Variants in TRPM2 observed in about 807,000 individuals in gnomAD.
TRPM2 encodes the protein estrogen-responsive element-associated gene 1 protein.
In TRPM2, 161 loss-of-function variants were observed where a neutral mutation model predicts 174.0. The ratio of observed to expected loss-of-function variants is 0.93; its 90% CI spans 0.81 to 1.05. The LOEUF (loss-of-function observed/expected upper bound fraction) is 1.05. Among genes scored for constraint, TRPM2 ranks in the 50% least tolerant of loss-of-function variants. TRPM2 has a pLI of 0.00. For missense variants in TRPM2, 2,057 were observed against 2,038.0 expected (o/e 1.01, Z -0.18); for synonymous variants, 954 against 861.3 (o/e 1.11, Z -1.88).
intron 2 of TRPM2, among the ~76,000 whole-genome samples, chr21:44,357,168 A>G (rs892599547): frequency 1.3e-5 from 2 of 152,136 alleles, no homozygotes; most frequent in African/African-American, 4.8e-5. Flanking sequence ...CCTATTCAAG[A>G]TGGGACTCAC....
intron 12 of TRPM2, among the ~76,000 whole-genome samples, chr21:44,397,542 G>T (rs1283760354): frequency 4.6e-5 from 7 of 152,112 alleles, no homozygotes; most frequent in Non-Finnish European, 7.3e-5. Flanking sequence ...CACAGGCCAC[G>T]CAGGAGCCTG....
intron 2 of TRPM2, among the ~76,000 whole-genome samples, chr21:44,362,303 G>A (rs1465563572): frequency 6.9e-6 from 1 of 145,842 alleles, no homozygotes; most frequent in Non-Finnish European, 1.5e-5. Flanking sequence ...AGGAGATGGA[G>A]ACCATCCTGG....
rs899063512 is a variant in TRPM2 at position 44,367,583 on chromosome 21, G to A, written c.604+649G>A. Among the ~76,000 whole-genome samples the A allele has an allele frequency of 2.0e-5, 3 of 152,210 alleles. No homozygotes were observed. Among genetic ancestry groups the A allele is most frequent in the Non-Finnish European group, 4.4e-5 (3 of 68,032 alleles). ...CCCCGCCCCACCCTAATTCCATGGG[G>A]AGGGGGCCCCAAGTCCTCAAGGCTC... On this transcript the variant is annotated intron_variant, in intron 4 of 31. Transcript: ENST00000397928. The surrounding 1 kb of genome is among the most constrained non-coding windows in gnomAD (Gnocchi z 4.6).
At chr21:44,398,056 A>G (rs1301899693) in intron 13 of TRPM2, among the ~76,000 whole-genome samples, 180 bp downstream of exon 13, 2 of 152,138 alleles carry the variant, frequency 1.3e-5, no homozygotes, top group Admixed American at 6.5e-5. Flanking sequence ...GTAACCACCC[A>G]GTGGGTTCGT....
At chr21:44,435,778 C>G (rs1313223622) in intron 28 of TRPM2, among the ~76,000 whole-genome samples, 1 of 139,078 alleles carries the variant, frequency 7.2e-6, no homozygotes, top group Non-Finnish European at 1.5e-5. Flanking sequence ...CATGGGGACA[C>G]AGCCCCACAC....
chr21:44,439,161 G>A lies in TRPM2; in HGVS notation c.4262G>A (p.Gly1421Asp). The change falls in exon 30 of 32, where the codon GGC becomes GAC. Residue 1421 changes from glycine (G) to aspartate (D), a missense_variant. Coordinates refer to ENST00000397928, the MANE Select transcript of TRPM2 (RefSeq NM_003307.4). The surrounding 1 kb of genome is among the most constrained non-coding windows in gnomAD (Gnocchi z 5.1). ...TCTTTTGAAAACTTGCTGAAGTGCGGCATGGAGGTATTCCTGGCCTGTTTG... is the reference window on the plus strand; with the variant it reads ...TCTTTTGAAAACTTGCTGAAGTGCGACATGGAGGTATTCCTGGCCTGTTTG... ...WPSFENLLKC[G>D]MEVYKGYMDD... 6.2e-7 allele frequency: 1 copy of A among 1,613,336 alleles called. No homozygotes were observed. Among genetic ancestry groups the A allele is most frequent in the African/African-American group, 1.3e-5 (1 of 75,026 alleles).
chr21:44,436,935 A>G, intron 28 of TRPM2, 127 bp from the exon 29 acceptor site: 1 of 728,730 alleles, frequency 1.4e-6, no homozygotes, highest in Non-Finnish European at 2.2e-6. Flanking sequence ...AACTTGAAAA[A>G]GAACACGGTT....
Position 44,366,085 on chromosome 21 carries a change from C to T in TRPM2, c.424-669C>T, listed in dbSNP as rs1033956486. Reference sequence around the variant, plus strand: ...GTCTCTTCAGACACAGCCCGCCTAGCGGAACAGGGAAAGTCCGCTGTGTAC... The same window carrying T: ...GTCTCTTCAGACACAGCCCGCCTAGTGGAACAGGGAAAGTCCGCTGTGTAC... On this transcript the variant is annotated intron_variant, in intron 3 of 31. Coordinates refer to ENST00000397928, the MANE Select transcript of TRPM2 (RefSeq NM_003307.4). The surrounding 1 kb of genome is among the most constrained non-coding windows in gnomAD (Gnocchi z 6.0). Among the ~76,000 whole-genome samples, 7 of 152,292 alleles carry T rather than the reference C, an allele frequency of 4.6e-5. No homozygotes were observed. In the East Asian group the frequency reaches 9.7e-4, roughly 21 times the overall value.
chr21:44,423,583 G>A (rs969543411), intron 22 of TRPM2, 62 bp from the exon 23 acceptor site: 4 of 1,423,724 alleles, frequency 2.8e-6, no homozygotes, highest in African/African-American at 1.4e-5. Flanking sequence ...CTGCAGAGCG[G>A]TGTGGCGTTC....
chr21:44,413,943 G>C lies in TRPM2; in HGVS notation c.3015G>C (p.Lys1005Asn). Residue 1005 changes from lysine (K) to asparagine (N), a missense_variant, in exon 20 of 32, where the codon AAG (lysine) becomes AAC (asparagine). Transcript: ENST00000397928. ...GCCCCAATGGCACCGACCCCTACAA[G>C]CCTAAGTGCCCCGAGAGCGACGCGA... ...HCSPNGTDPY[K>N]PKCPESDATQ... 1 of 1,613,992 alleles carries C rather than the reference G, an allele frequency of 6.2e-7. No individual in the cohort carries two copies. The highest frequency in any genetic ancestry group is 8.5e-7 in the Non-Finnish European group (1 of 1,180,010).
chr21:44,350,629 G>T (rs1266925628), upstream of TRPM2, among the ~76,000 whole-genome samples: 1 of 135,092 alleles, frequency 7.4e-6, no homozygotes, highest in Non-Finnish European at 1.6e-5. Flanking sequence ...GCGGTGGGGT[G>T]CAGGGGCGCG....
intron 5 of TRPM2, among the ~76,000 whole-genome samples, chr21:44,372,821 C>G (rs982938665): frequency 6.6e-6 from 1 of 152,170 alleles, no homozygotes; most frequent in Admixed American, 6.5e-5. Flanking sequence ...GTGGCTTGGG[C>G]ACCCCCTACC....
rs773174933 is a variant in TRPM2 at position 44,413,939 on chromosome 21, A to G, written c.3011A>G (p.Tyr1004Cys). The change falls in exon 20 of 32, where the codon TAC becomes TGC. Residue 1004 changes from tyrosine to cysteine, a missense_variant. Physicochemically the swap from Tyr to Cys is radical, Grantham distance 194 (BLOSUM62 -2). Transcript: ENST00000397928. ...TGCAGCCCCAATGGCACCGACCCCT[A>G]CAAGCCTAAGTGCCCCGAGAGCGAC... ...EHCSPNGTDP[Y>C]KPKCPESDAT... The G allele has an allele frequency of 1.9e-6, 3 of 1,613,846 alleles. No homozygotes were observed. Among genetic ancestry groups the G allele is most frequent in the Non-Finnish European group, 2.5e-6 (3 of 1,179,974 alleles).
At position 44,366,077 on chromosome 21, in the gene TRPM2, C is replaced by A. The variant is rs2048351950; in HGVS notation, c.424-677C>A. 6.6e-6 allele frequency among the ~76,000 whole-genome samples: 1 copy of A among 152,186 alleles called. No homozygotes were observed. The highest frequency in any genetic ancestry group is 2.4e-5 in the African/African-American group (1 of 41,428). ...CCCGCTGGGTCTCTTCAGACACAGC[C>A]CGCCTAGCGGAACAGGGAAAGTCCG... On this transcript the variant is annotated intron_variant, in intron 3 of 31. Coordinates refer to ENST00000397928, the MANE Select transcript of TRPM2 (RefSeq NM_003307.4). The surrounding 1 kb of genome is among the most constrained non-coding windows in gnomAD (Gnocchi z 6.0).
chr21:44,405,366 G>A lies in TRPM2; in HGVS notation c.2657+106G>A, dbSNP rs187299056. 10,333 of 1,511,668 alleles carry A rather than the reference G, an allele frequency of 6.8e-3. 44 individuals carry two copies. Among genetic ancestry groups the A allele is most frequent in the Non-Finnish European group, 8.3e-3 (9,253 of 1,120,180 alleles). 93.6% of individuals were successfully genotyped at this position (1,511,668 alleles called of 1,614,324 possible). A position where few individuals can be genotyped will look rare whatever the true frequency, so the allele number is the denominator to read the frequency against. On this transcript the variant is annotated intron_variant, in intron 17 of 31. Transcript: ENST00000397928. ...AGCCACACCGGGTGAGGCTCAGCTCGTCTGTGAACCCTGGATTGTCATCTG... is the reference window on the plus strand; with the variant it reads ...AGCCACACCGGGTGAGGCTCAGCTCATCTGTGAACCCTGGATTGTCATCTG...
chr21:44,378,976 A>C, intron 7 of TRPM2, 21 bp from the exon 8 acceptor site: 1 of 1,598,264 alleles, frequency 6.3e-7, no homozygotes, highest in Non-Finnish European at 8.5e-7. Context: ...TCCCGGGCTC[A>C]CACCCCCACC....
In TRPM2 at chr21:44,418,028, C is replaced by A. The variant is rs748381275; in HGVS notation, c.3248C>A (p.Pro1083His). 2 of 1,613,228 alleles carry A rather than the reference C, an allele frequency of 1.2e-6. No individual in the cohort carries two copies. The highest frequency in any genetic ancestry group is 2.2e-5 in the East Asian group (1 of 44,874). The change falls in exon 21 of 32, where the codon CCC becomes CAC. Residue 1083 changes from proline (P) to histidine (H), a missense_variant. Pro to His is a moderately conservative substitution (Grantham distance 77). Coordinates refer to ENST00000397928, the MANE Select transcript of TRPM2 (RefSeq NM_003307.4). The stretch of plus-strand genomic sequence containing the variant: ...CACGGCCGCCCCGCCGCGCCGCCCC[C>A]CTTCATCCTCCTCAGCCACCTGCAG... ...EYHGRPAAPPPFILLSHLQLF... is the reference protein window; with the variant it reads ...EYHGRPAAPPHFILLSHLQLF...
chr21:44,406,746 G>C lies in TRPM2; in HGVS notation c.2943G>C (p.Gln981His). ...VYHSYLTIFG[Q>H]IPGYIDGVNF... is the part of the protein sequence containing the mutation. ...ACTCCTACCTCACCATCTTCGGGCAGATCCCGGGCTACATCGACGGTAGGA... is the reference window on the plus strand; with the variant it reads ...ACTCCTACCTCACCATCTTCGGGCACATCCCGGGCTACATCGACGGTAGGA... The change falls in exon 19 of 32, where the codon CAG becomes CAC. Residue 981 changes from glutamine (Q) to histidine (H), a missense_variant. Transcript: ENST00000397928. 1 of 1,606,218 alleles carries C rather than the reference G, an allele frequency of 6.2e-7. No individual in the cohort carries two copies. Among genetic ancestry groups the C allele is most frequent in the Non-Finnish European group, 8.5e-7 (1 of 1,178,150 alleles).
chr21:44,418,087 G>T lies in TRPM2; in HGVS notation c.3307G>T (p.Ala1103Ser). ...CAAGAGGGTGGTCCTGAAGACTCCG[G>T]CCAAGAGGCACAAGCAGCTCAGTAT... is the stretch of plus-strand genomic sequence containing the variant. ...FIKRVVLKTP[A>S]KRHKQLKNKL... Residue 1103 changes from alanine to serine, a missense_variant, in exon 21 of 32, where the codon GCC becomes TCC. Physicochemically the swap from Ala to Ser is moderately conservative, Grantham distance 99. Transcript: ENST00000397928. 1 of 1,612,140 alleles carries T rather than the reference G, an allele frequency of 6.2e-7. No homozygotes were observed.
Sources: gnomAD v4.1 joint callset for allele counts (sites outside exome capture counted in the v4.1 genomes callset) on GRCh38, gnomAD v4.1.1 for gene constraint, Gnocchi (gnomAD v3.1) non-coding constraint, MANE v1.5 for transcripts, NCBI Gene and HGNC (gene_info 2026-07-23, HGNC 2026-07-21) for gene names.